USP37: variants seen among roughly 807,000 people sequenced by gnomAD.
USP37 encodes the protein ubiquitin specific peptidase 37, also known as ubiquitin carboxyl-terminal hydrolase 37.
In USP37, 27 loss-of-function variants were observed where a neutral mutation model predicts 124.0. The observed-to-expected ratio is 0.22, with a 90% confidence interval of 0.16 to 0.30. USP37 has a LOEUF of 0.30. USP37 is among the 10% of genes least tolerant of loss of function. USP37 has a pLI of 1.00. For synonymous variants in USP37, 365 were observed against 388.0 expected (o/e 0.94, Z 0.70); for missense variants, 889 against 1,140.4 (o/e 0.78, Z 3.17).
At chr2:218,482,595 T>C (rs1388439109) in intron 16 of USP37, among the ~76,000 whole-genome samples, 1 of 152,228 alleles carries the variant, frequency 6.6e-6, no homozygotes, top group Non-Finnish European at 1.5e-5. Context: ...AGGTTTTATA[T>C]AACCACTACT....
intron 16 of USP37, among the ~76,000 whole-genome samples, chr2:218,484,145 C>T (rs747557121): frequency 7.2e-5 from 11 of 151,812 alleles, no homozygotes; most frequent in Non-Finnish European, 1.3e-4. Context: ...GGCAACAGAA[C>T]GAGACTCTGT....
chr2:218,500,329 G>A (rs1298978499), intron 11 of USP37, among the ~76,000 whole-genome samples: 3 of 151,954 alleles, frequency 2.0e-5, no homozygotes, highest in Non-Finnish European at 4.4e-5. Flanking sequence ...GTGTCATCTC[G>A]GCTTACAGCA....
intron 8 of USP37, among the ~76,000 whole-genome samples, chr2:218,537,838 A>G (rs1035360923): frequency 6.6e-6 from 1 of 152,188 alleles, no homozygotes; most frequent in African/African-American, 2.4e-5. Flanking sequence ...GTCTGCAGCC[A>G]AAAATTATAC....
intron 11 of USP37, among the ~76,000 whole-genome samples, chr2:218,507,675 G>A (rs1372335577): frequency 1.3e-5 from 2 of 152,134 alleles, no homozygotes; most frequent in Admixed American, 1.3e-4. Context: ...TTCTTTAATG[G>A]ATGAGAATGA....
At chr2:218,461,963 C>T (rs1307634614) in intron 22 of USP37, among the ~76,000 whole-genome samples, 1 of 152,174 alleles carries the variant, frequency 6.6e-6, no homozygotes, top group African/African-American at 2.4e-5. Context: ...TCGAGACCTG[C>T]CTGGCCAACA....
intron 8 of USP37, among the ~76,000 whole-genome samples, chr2:218,539,417 T>C (rs948647785): frequency 6.6e-6 from 1 of 152,096 alleles, no homozygotes; most frequent in Non-Finnish European, 1.5e-5. Flanking sequence ...AACCACAGCA[T>C]AAGATTCTTT....
chr2:218,506,750 T>C (rs1431145801), intron 11 of USP37, among the ~76,000 whole-genome samples: 1 of 152,088 alleles, frequency 6.6e-6, no homozygotes, highest in Non-Finnish European at 1.5e-5. Flanking sequence ...AGTTAAAGCA[T>C]TTGTCATTTC....
At chr2:218,457,501 T>C (rs1018898331) in intron 23 of USP37, among the ~76,000 whole-genome samples, 3 of 152,154 alleles carry the variant, frequency 2.0e-5, no homozygotes, top group African/African-American at 7.2e-5. Context: ...ACTACATGGA[T>C]CAGGAACATG....
At position 218,482,085 on chromosome 2, in the gene USP37, C is replaced by T; in HGVS notation, c.1820G>A (p.Ser607Asn). The T allele has an allele frequency of 6.2e-7, 1 of 1,612,200 alleles. No individual in the cohort carries two copies. Among genetic ancestry groups the T allele is most frequent in the Non-Finnish European group, 8.5e-7 (1 of 1,178,748 alleles). ...NTKPPFTLGWSAHMAISRPLK... is the reference protein window; with the variant it reads ...NTKPPFTLGWNAHMAISRPLK... ...AAGGACTTACATTGCCATATGTGCA[C>T]TCCAACCAAGGGTAAAAGGTGGTTT... The change falls in exon 17 of 26, where the codon AGT (serine) becomes AAT (asparagine). Residue 607 changes from serine to asparagine, a missense_variant. By Grantham distance (46) the Ser-to-Asn change is conservative (BLOSUM62 1). Coordinates refer to ENST00000258399, the MANE Select transcript of USP37 (RefSeq NM_020935.3).
At chr2:218,529,166 A>T (rs1021550804) in intron 10 of USP37, among the ~76,000 whole-genome samples, 3 of 152,188 alleles carry the variant, frequency 2.0e-5, no homozygotes, top group African/African-American at 7.2e-5. Flanking sequence ...CTAAGTAGCT[A>T]TCACTACAGG....
intron 3 of USP37, among the ~76,000 whole-genome samples, chr2:218,560,346 C>A (rs988251073): frequency 1.3e-5 from 2 of 152,154 alleles, no homozygotes; most frequent in Non-Finnish European, 2.9e-5. Flanking sequence ...AGCCAGCCAG[C>A]CCTATCACTT....
At chr2:218,541,404 G>A (rs1054380144) in intron 8 of USP37, among the ~76,000 whole-genome samples, 2 of 152,256 alleles carry the variant, frequency 1.3e-5, no homozygotes, top group African/African-American at 4.8e-5. Context: ...TGGTATAAAG[G>A]GGATTCACTA....
At chr2:218,495,341 C>T (rs1574882174) in intron 14 of USP37, among the ~76,000 whole-genome samples, 2 of 152,226 alleles carry the variant, frequency 1.3e-5, no homozygotes, top group Admixed American at 6.6e-5. Flanking sequence ...GGGGTTTCCC[C>T]ATGTTGCCCA....
chr2:218,530,187 T>C (rs1691241257), intron 9 of USP37, 147 bp from the exon 10 acceptor site: 3 of 639,472 alleles, frequency 4.7e-6, no homozygotes. Context: ...TATTGCTCTT[T>C]GCTTTATTGT....
chr2:218,467,599 A>C (rs1246199), intron 20 of USP37, among the ~76,000 whole-genome samples: 1 of 151,882 alleles, frequency 6.6e-6, no homozygotes, highest in African/African-American at 2.4e-5. Context: ...CGCCCACCTC[A>C]GCCTCCCAAA....
chr2:218,456,923 T>C (rs374600567), intron 24 of USP37, among the ~76,000 whole-genome samples, 169 bp downstream of exon 24: 18 of 151,830 alleles, frequency 1.2e-4, no homozygotes, highest in Admixed American at 2.0e-4. Context: ...TGAGCCGAGA[T>C]TGTGCCACTA....
chr2:218,493,422 G>A (rs1183598896), intron 14 of USP37, among the ~76,000 whole-genome samples: 11 of 152,146 alleles, frequency 7.2e-5, no homozygotes, highest in Non-Finnish European at 1.3e-4. Flanking sequence ...TACAATTAAA[G>A]TGCCTAACAC....
chr2:218,492,454 G>C (rs2105985028), intron 14 of USP37, among the ~76,000 whole-genome samples: 1 of 152,242 alleles, frequency 6.6e-6, no homozygotes, highest in African/African-American at 2.4e-5. Context: ...ACAAGTCACA[G>C]GCTTTTAAAT....
At chr2:218,524,109 C>A (rs1690817227) in intron 10 of USP37, among the ~76,000 whole-genome samples, 1 of 152,194 alleles carries the variant, frequency 6.6e-6, no homozygotes, top group Non-Finnish European at 1.5e-5. Flanking sequence ...CTGGGATATA[C>A]CCTACTCAGT....
Sources: gnomAD v4.1 joint callset for allele counts (sites outside exome capture counted in the v4.1 genomes callset) on GRCh38, gnomAD v4.1.1 for gene constraint, MANE v1.5 for transcripts, NCBI Gene and HGNC (gene_info 2026-07-23, HGNC 2026-07-21) for gene names.